Variants in WWOX observed in about 807,000 individuals in gnomAD.
The protein encoded by WWOX is WW domain-containing oxidoreductase.
WWOX carries 69 observed loss-of-function variants against 46.2 expected under a neutral mutation model. The ratio of observed to expected loss-of-function variants is 1.49; its 90% CI spans 1.23 to 1.82. The LOEUF is 1.82. Ranked by LOEUF, WWOX falls within the 40% of genes most tolerant of loss-of-function variation. The pLI, the probability that WWOX is intolerant of heterozygous loss-of-function variation, is 0.00. For synonymous variants in WWOX, 359 were observed against 202.6 expected, an observed-to-expected ratio of 1.77 and a Z score of -6.56; for missense variants, 919 against 542.6, an observed-to-expected ratio of 1.69 and a Z score of -6.89.
Position 78,350,427 on chromosome 16 carries a change from C to A in WWOX, c.517-36433C>A, listed in dbSNP as rs569137821. 2.5e-5 allele frequency among the ~76,000 whole-genome samples: 3 copies of A among 121,206 alleles called. 1 individual carries two copies. The South Asian group carries it at 7.4e-4, about 30-fold the overall frequency. 79.5% of individuals were successfully genotyped at this position (121,206 alleles called of 152,430 possible). On this transcript the variant is annotated intron_variant, in intron 5 of 8. Transcript: ENST00000566780. The stretch of plus-strand genomic sequence containing the variant: ...TTCCCAAAAAGAAACCCTTGACTGG[C>A]ATCCTTTTCCCCACTTCCTTTTCTC...
chr16:78,364,935 A>C (rs1737628367), intron 5 of WWOX, among the ~76,000 whole-genome samples: 1 of 152,112 alleles, frequency 6.6e-6, no homozygotes, highest in Admixed American at 6.5e-5. Flanking sequence ...TTCTTTACAA[A>C]GATGTTCCTG....
chr16:79,146,787 C>T (rs1426674957), intron 8 of WWOX, among the ~76,000 whole-genome samples: 1 of 152,052 alleles, frequency 6.6e-6, no homozygotes, highest in Admixed American at 6.6e-5. Context: ...GACTACTGAA[C>T]AAGAGATTTT....
intron 8 of WWOX, among the ~76,000 whole-genome samples, chr16:78,928,789 C>G (rs2045558134): frequency 6.6e-6 from 1 of 152,118 alleles, no homozygotes; most frequent in Non-Finnish European, 1.5e-5. Context: ...AGTGATCGTG[C>G]AAGCCTCAGT....
chr16:78,937,622 T>A (rs2045768147), intron 8 of WWOX, among the ~76,000 whole-genome samples: 1 of 149,994 alleles, frequency 6.7e-6, no homozygotes, highest in African/African-American at 2.5e-5. Context: ...TATTTATTTA[T>A]TTATTTATTT....
At chr16:78,592,056 C>T (rs1485541366) in intron 8 of WWOX, among the ~76,000 whole-genome samples, 1 of 152,182 alleles carries the variant, frequency 6.6e-6, no homozygotes, top group East Asian at 1.9e-4. Flanking sequence ...TCAATATTTA[C>T]CTCTGAGGTC....
chr16:78,203,401 T>C (rs547191489), intron 5 of WWOX, among the ~76,000 whole-genome samples: 1 of 152,198 alleles, frequency 6.6e-6, no homozygotes, highest in Non-Finnish European at 1.5e-5. Flanking sequence ...TATGTTTCAA[T>C]GGAGAAGAGA....
chr16:79,023,317 C>G (rs185006501), intron 8 of WWOX, among the ~76,000 whole-genome samples: 12 of 152,274 alleles, frequency 7.9e-5, no homozygotes, highest in African/African-American at 2.2e-4. Flanking sequence ...CTTTATAGAC[C>G]TCTGATCAGC....
chr16:78,417,660 A>G (rs764104878), intron 6 of WWOX, among the ~76,000 whole-genome samples: 1 of 152,152 alleles, frequency 6.6e-6, no homozygotes, highest in Non-Finnish European at 1.5e-5. Context: ...CTGTCTTACT[A>G]CAATATATGA....
At chr16:78,482,235 A>C (rs1048176916) in intron 8 of WWOX, among the ~76,000 whole-genome samples, 1 of 151,782 alleles carries the variant, frequency 6.6e-6, no homozygotes, top group Non-Finnish European at 1.5e-5. Flanking sequence ...TAACTCCATA[A>C]TTTTTTTTAT....
At chr16:78,104,654 G>T (rs982853124) in intron 1 of WWOX, among the ~76,000 whole-genome samples, 8 of 152,096 alleles carry the variant, frequency 5.3e-5, no homozygotes, top group African/African-American at 1.7e-4. Context: ...AAAAATCAAA[G>T]ACGGCTTCTA....
chr16:78,964,627 G>C (rs994143143), intron 8 of WWOX, among the ~76,000 whole-genome samples: 1 of 152,202 alleles, frequency 6.6e-6, no homozygotes, highest in African/African-American at 2.4e-5. Flanking sequence ...CCCATTTTCT[G>C]GGGAGAAATT....
chr16:78,224,883 A>T (rs2037000086), intron 5 of WWOX, among the ~76,000 whole-genome samples: 1 of 152,210 alleles, frequency 6.6e-6, no homozygotes, highest in African/African-American at 2.4e-5. Flanking sequence ...TGATGTGTTA[A>T]CAATTTCTTT....
At chr16:78,922,002 C>A (rs910593724) in intron 8 of WWOX, among the ~76,000 whole-genome samples, 3 of 152,196 alleles carry the variant, frequency 2.0e-5, no homozygotes, top group Non-Finnish European at 4.4e-5. Flanking sequence ...CTTCTATTGT[C>A]CTCTACCCAT....
At chr16:78,699,399 C>A (rs189078569) in intron 8 of WWOX, among the ~76,000 whole-genome samples, 11 of 151,214 alleles carry the variant, frequency 7.3e-5, no homozygotes, top group Admixed American at 2.0e-4. Context: ...ATTAGCCAGG[C>A]GTGGTAGCTT....
intron 6 of WWOX, among the ~76,000 whole-genome samples, chr16:78,401,230 A>C (rs965989944): frequency 4.0e-5 from 6 of 150,734 alleles, no homozygotes; most frequent in African/African-American, 1.5e-4. Context: ...TTCTAATACC[A>C]CTTTTTTCTA....
intron 8 of WWOX, among the ~76,000 whole-genome samples, chr16:78,926,914 A>G (rs1172497534): frequency 6.6e-6 from 1 of 152,098 alleles, no homozygotes; most frequent in Non-Finnish European, 1.5e-5. Flanking sequence ...CTCCCACCTC[A>G]GCTTCCTAAG....
In WWOX at chr16:78,736,190, C is replaced by T. The variant is rs8046506; in HGVS notation, c.1056+303438C>T. On this transcript the variant is annotated intron_variant, in intron 8 of 8. Coordinates refer to ENST00000566780, the MANE Select transcript of WWOX (RefSeq NM_016373.4). ...AAATGAAGTCTGGCTTCAGGTTTAT[C>T]CTTGGGGGGCTCTGGAATAAAAATC... 5.6e-3 allele frequency among the ~76,000 whole-genome samples: 855 copies of T among 152,236 alleles called. 7 individuals are homozygous for T. The highest frequency in any genetic ancestry group is 0.019 in the African/African-American group (775 of 41,550).
intron 8 of WWOX, among the ~76,000 whole-genome samples, chr16:78,585,210 G>A (rs879444475): frequency 2.6e-5 from 4 of 152,204 alleles, no homozygotes; most frequent in Non-Finnish European, 4.4e-5. Flanking sequence ...CTTAAATGGT[G>A]TGGCCCATAA....
chr16:78,595,534 A>G (rs928375812), intron 8 of WWOX, among the ~76,000 whole-genome samples: 2 of 152,212 alleles, frequency 1.3e-5, no homozygotes, highest in Admixed American at 6.5e-5. Flanking sequence ...CTCAATGGTG[A>G]GGTCCTCAAT....
Sources: gnomAD v4.1 joint callset for allele counts (sites outside exome capture counted in the v4.1 genomes callset) on GRCh38, gnomAD v4.1.1 for gene constraint, MANE v1.5 for transcripts, NCBI Gene and HGNC (gene_info 2026-07-23, HGNC 2026-07-21) for gene names.